The following TMEM38B variants were observed in gnomAD, a reference collection of about 807,000 sequenced individuals.
TMEM38B encodes trimeric intracellular cation channel type B.
Under a neutral mutation model 28.7 loss-of-function variants are expected in TMEM38B, and 24 were observed. That is an observed-to-expected ratio of 0.84 (90% confidence interval 0.61 to 1.18). The LOEUF is 1.18. Among genes scored for constraint, TMEM38B ranks in the 50% most tolerant of loss-of-function variants. The pLI is 0.00. For synonymous variants in TMEM38B, 131 were observed against 127.7 expected (o/e 1.03, Z -0.17); for missense variants, 380 against 350.9 (o/e 1.08, Z -0.66).
chr9:105,720,852 A>G (rs1045387233), intron 2 of TMEM38B, among the ~76,000 whole-genome samples: 1 of 152,182 alleles, frequency 6.6e-6, no homozygotes, highest in Non-Finnish European at 1.5e-5. Flanking sequence ...ATAGATGCTT[A>G]GAACAAATGA....
chr9:105,760,092 T>G (rs576130598), intron 5 of TMEM38B: 2 of 943,874 alleles, frequency 2.1e-6, no homozygotes, highest in Admixed American at 1.8e-5. Context: ...TGCTGCAACC[T>G]CATTTAGAGA....
chr9:105,731,179 C>T (rs560106266), intron 4 of TMEM38B, among the ~76,000 whole-genome samples: 81 of 152,010 alleles, frequency 5.3e-4, no homozygotes, highest in African/African-American at 1.9e-3. Context: ...TTAGGTCTTT[C>T]CTGCTTTCTC....
At chr9:105,722,812 AAT>A (rs1836370284) in intron 4 of TMEM38B, among the ~76,000 whole-genome samples, 191 bp downstream of exon 4, 1 of 152,192 alleles carries the variant, frequency 6.6e-6, no homozygotes, top group African/African-American at 2.4e-5. Flanking sequence ...TGTAGTTTAA[AAT>A]ATATATTTTC....
intron 4 of TMEM38B, among the ~76,000 whole-genome samples, chr9:105,737,649 C>T (rs1837036958): frequency 1.3e-5 from 2 of 152,126 alleles, no homozygotes. Context: ...ACCTGGAAGA[C>T]AGGGTGGTTC....
chr9:105,747,644 C>T (rs910868139), intron 4 of TMEM38B, among the ~76,000 whole-genome samples: 1 of 152,022 alleles, frequency 6.6e-6, no homozygotes, highest in Admixed American at 6.6e-5. Context: ...GCTCTTGCTT[C>T]TCTAGTTCTT....
At chr9:105,768,668 GT>G (rs1023143961) in intron 5 of TMEM38B, among the ~76,000 whole-genome samples, 2 of 152,098 alleles carry the variant, frequency 1.3e-5, no homozygotes, top group African/African-American at 4.8e-5. Flanking sequence ...TTTCACTTAA[GT>G]TTTTTATTGT....
intron 1 of TMEM38B, among the ~76,000 whole-genome samples, chr9:105,697,311 T>C (rs1471633448): frequency 1.3e-5 from 2 of 152,200 alleles, no homozygotes; most frequent in Non-Finnish European, 2.9e-5. Context: ...CACGTGATTA[T>C]TGAATACTTA....
chr9:105,734,524 AAAGTGAGGTATTGACGTACCCTACTAT>A (rs1836895404), intron 4 of TMEM38B, among the ~76,000 whole-genome samples: 1 of 152,064 alleles, frequency 6.6e-6, no homozygotes, highest in South Asian at 2.1e-4. Context: ...ATATGTGTTG[AAAGTGAGGTATTGACGTACCCTACTAT>A]TATTGTATTG....
intron 2 of TMEM38B, among the ~76,000 whole-genome samples, chr9:105,706,137 G>A (rs1330204484): frequency 1.3e-5 from 2 of 152,172 alleles, no homozygotes; most frequent in African/African-American, 4.8e-5. Flanking sequence ...GACGTGAGGT[G>A]ATCTGCCCGC....
intron 2 of TMEM38B, chr9:105,710,199 G>T: frequency 2.2e-6 from 1 of 462,188 alleles, no homozygotes; most frequent in South Asian, 2.6e-5. Flanking sequence ...TTTGTCACTT[G>T]AACTGCCCTT....
intron 2 of TMEM38B, chr9:105,710,632 G>A: frequency 1.3e-6 from 1 of 746,376 alleles, no homozygotes; most frequent in South Asian, 1.3e-5. Flanking sequence ...ATCCTCTCTT[G>A]GATGGTGAGT....
At chr9:105,721,443 T>C in intron 2 of TMEM38B, 94 bp from the exon 3 acceptor site, 2 of 922,176 alleles carry the variant, frequency 2.2e-6, no homozygotes, top group Non-Finnish European at 3.1e-6. Flanking sequence ...CCATTTGTTG[T>C]GTTTTGCCAA....
intron 5 of TMEM38B, among the ~76,000 whole-genome samples, chr9:105,754,840 G>A (rs1415863497): frequency 6.6e-6 from 1 of 152,038 alleles, no homozygotes; most frequent in African/African-American, 2.4e-5. Context: ...CCATGAGCTG[G>A]TTTTTGGAAA....
At chr9:105,737,319 C>T (rs1374060619) in intron 4 of TMEM38B, among the ~76,000 whole-genome samples, 1 of 149,936 alleles carries the variant, frequency 6.7e-6, no homozygotes, top group South Asian at 2.1e-4. Context: ...AGAAGGGGTG[C>T]TCCAGAGGCC....
intron 5 of TMEM38B, among the ~76,000 whole-genome samples, chr9:105,761,987 T>A (rs1838069466): frequency 6.6e-6 from 1 of 152,144 alleles, no homozygotes; most frequent in Admixed American, 6.5e-5. Context: ...TTCTGCTTGA[T>A]CGACTTGGTA....
chr9:105,710,704 A>T, intron 2 of TMEM38B: 1 of 660,998 alleles, frequency 1.5e-6, no homozygotes, highest in South Asian at 1.4e-5. Context: ...TTCACACCGT[A>T]AATCTTCAGA....
At chr9:105,717,626 A>G (rs1836155644) in intron 2 of TMEM38B, among the ~76,000 whole-genome samples, 1 of 151,180 alleles carries the variant, frequency 6.6e-6, no homozygotes, top group Non-Finnish European at 1.5e-5. Flanking sequence ...TAACAACTAT[A>G]TTGTTTATGG....
intron 5 of TMEM38B, among the ~76,000 whole-genome samples, chr9:105,751,644 C>T (rs965858669): frequency 6.6e-6 from 1 of 152,202 alleles, no homozygotes; most frequent in Admixed American, 6.5e-5. Flanking sequence ...GGCTTGGGTT[C>T]CAGCCTGCCA....
intron 4 of TMEM38B, among the ~76,000 whole-genome samples, chr9:105,734,829 T>TA (rs1836910273): frequency 6.6e-6 from 1 of 151,896 alleles, no homozygotes; most frequent in Non-Finnish European, 1.5e-5. Context: ...TCCTTAAAGC[T>TA]AAAGTGAGTT....
Sources: allele counts gnomAD v4.1 joint callset (sites outside exome capture counted in the v4.1 genomes callset), GRCh38; gene constraint gnomAD v4.1.1; transcripts MANE v1.5; gene names NCBI Gene and HGNC (gene_info 2026-07-23, HGNC 2026-07-21).